Variants in DNAJB14 observed in about 807,000 individuals in gnomAD.
DNAJB14 encodes dnaJ homolog subfamily B member 14.
In DNAJB14, 22 loss-of-function variants were observed where a neutral mutation model predicts 48.4. The ratio of observed to expected loss-of-function variants is 0.45; its 90% confidence interval spans 0.32 to 0.65. DNAJB14 has a LOEUF of 0.65. DNAJB14 is among the 30% of genes least tolerant of loss of function. The pLI is 0.03. For synonymous variants in DNAJB14, 142 were observed against 158.7 expected, an observed-to-expected ratio of 0.89 and a Z score of 0.79; for missense variants, 319 against 458.8, an observed-to-expected ratio of 0.70 and a Z score of 2.78.
intron 2 of DNAJB14, chr4:99,929,494 G>T (rs1726382894): frequency 6.6e-6 from 1 of 151,878 alleles, no homozygotes; most frequent in African/African-American, 2.4e-5. Flanking sequence ...TAAATATATG[G>T]GTATTTGATT....
intron 3 of DNAJB14, among the ~76,000 whole-genome samples, chr4:99,921,444 G>C (rs987648301): frequency 1.3e-5 from 2 of 152,136 alleles, no homozygotes; most frequent in Non-Finnish European, 2.9e-5. Flanking sequence ...CGCAACACAG[G>C]CTGCAGAAAT....
chr4:99,919,499 G>A (rs1395127605), intron 3 of DNAJB14, among the ~76,000 whole-genome samples: 1 of 152,088 alleles, frequency 6.6e-6, no homozygotes, highest in Non-Finnish European at 1.5e-5. Flanking sequence ...GCAGAGAATT[G>A]CTTGAACCCG....
At chr4:99,944,941 T>C (rs1727016095) in intron 1 of DNAJB14, among the ~76,000 whole-genome samples, 1 of 152,222 alleles carries the variant, frequency 6.6e-6, no homozygotes, top group Non-Finnish European at 1.5e-5. Flanking sequence ...GGGAACATTA[T>C]GCTAAGTGAA....
chr4:99,920,368 A>T (rs1388347267), intron 3 of DNAJB14, among the ~76,000 whole-genome samples: 1 of 152,174 alleles, frequency 6.6e-6, no homozygotes, highest in African/African-American at 2.4e-5. Flanking sequence ...GAACTACCAG[A>T]ACTAATACAA....
chr4:99,925,082 C>A, intron 2 of DNAJB14: 1 of 402,858 alleles, frequency 2.5e-6, no homozygotes, highest in South Asian at 4.1e-5. Flanking sequence ...CCAGGATCCT[C>A]CCTCCTTGAA....
intron 1 of DNAJB14, among the ~76,000 whole-genome samples, chr4:99,933,267 TA>T (rs368310801): frequency 2.7e-4 from 41 of 150,560 alleles, no homozygotes; most frequent in African/African-American, 9.5e-4. Flanking sequence ...GGTACCAATC[TA>T]ATCAGTTATT....
chr4:99,939,099 C>T (rs368495659), intron 1 of DNAJB14, among the ~76,000 whole-genome samples: 46 of 152,250 alleles, frequency 3.0e-4, no homozygotes, highest in African/African-American at 1.0e-3. Context: ...CAGTGGCTCA[C>T]GCCTGTAATC....
chr4:99,902,321 C>T (rs948939547), intron 7 of DNAJB14, among the ~76,000 whole-genome samples: 1 of 149,662 alleles, frequency 6.7e-6, no homozygotes, highest in African/African-American at 2.4e-5. Flanking sequence ...GTAGCAATCC[C>T]TTTCCATTCC....
At chr4:99,905,738 T>C in intron 5 of DNAJB14, 32 bp from the exon 6 acceptor site, 1 of 1,586,406 alleles carries the variant, frequency 6.3e-7, no homozygotes, top group Non-Finnish European at 8.6e-7. Flanking sequence ...TAACAAATTG[T>C]AATATAACTG....
Position 99,900,975 on chromosome 4 carries a change from T to A in DNAJB14, c.*53A>T. On this transcript the variant is annotated 3_prime_UTR_variant, in exon 8 of 8. Transcript: ENST00000442697. The stretch of plus-strand genomic sequence containing the variant: ...TCATCCCTCATGATGAAACCAAACT[T>A]ACTTACAGAAAAAATAAAGAGTACG... 1.3e-6 allele frequency: 2 copies of A among 1,560,108 alleles called. No homozygotes were observed. Among genetic ancestry groups the A allele is most frequent in the Non-Finnish European group, 1.7e-6 (2 of 1,156,838 alleles).
chr4:99,914,454 T>G (rs891789794), intron 3 of DNAJB14, among the ~76,000 whole-genome samples: 3 of 151,868 alleles, frequency 2.0e-5, no homozygotes, highest in Admixed American at 6.6e-5. Flanking sequence ...TGAGAACCCT[T>G]GGACGCAGGA....
chr4:99,933,240 A>G (rs1376524084), intron 1 of DNAJB14, among the ~76,000 whole-genome samples: 3 of 151,728 alleles, frequency 2.0e-5, no homozygotes, highest in African/African-American at 4.8e-5. Flanking sequence ...ATGTATATAT[A>G]TACACACACT....
intron 3 of DNAJB14, among the ~76,000 whole-genome samples, chr4:99,921,799 G>C (rs973481475): frequency 2.0e-5 from 3 of 152,154 alleles, no homozygotes; most frequent in South Asian, 4.1e-4. Context: ...AATATTTATT[G>C]TATTTGACAA....
At chr4:99,933,590 C>G (rs1726561688) in intron 1 of DNAJB14, among the ~76,000 whole-genome samples, 1 of 152,010 alleles carries the variant, frequency 6.6e-6, no homozygotes, top group Non-Finnish European at 1.5e-5. Flanking sequence ...GAGCCACACG[C>G]CTGGCCAATT....
intron 1 of DNAJB14, among the ~76,000 whole-genome samples, chr4:99,932,352 T>G (rs1237462788): frequency 1.3e-5 from 2 of 151,784 alleles, no homozygotes; most frequent in Non-Finnish European, 2.9e-5. Flanking sequence ...GGGTGAAGGA[T>G]CTGAATAGAC....
intron 3 of DNAJB14, among the ~76,000 whole-genome samples, chr4:99,913,705 C>A (rs11097680): frequency 0.28 from 41,581 of 147,992 alleles, 6,285 homozygotes; most frequent in African/African-American, 0.4. Flanking sequence ...TGGAAAATGT[C>A]TCTTCCTCTT....
intron 3 of DNAJB14, among the ~76,000 whole-genome samples, chr4:99,918,848 GGAGAAT>G (rs1222271163): frequency 6.6e-6 from 1 of 152,166 alleles, no homozygotes; most frequent in Non-Finnish European, 1.5e-5. Flanking sequence ...ACCCTAGCAG[GGAGAAT>G]GAGCACCCTT....
At chr4:99,937,089 G>T in intron 1 of DNAJB14, among the ~76,000 whole-genome samples, 1 of 152,198 alleles carries the variant, frequency 6.6e-6, no homozygotes, top group East Asian at 1.9e-4. Flanking sequence ...GGCCGAGGCG[G>T]GCGGATCAGG....
intron 3 of DNAJB14, among the ~76,000 whole-genome samples, chr4:99,921,684 G>A (rs567713424): frequency 6.6e-6 from 1 of 152,126 alleles, no homozygotes; most frequent in Admixed American, 6.5e-5. Flanking sequence ...TTTAGCTTTT[G>A]GGGGAATATA....
Sources: allele counts gnomAD v4.1 joint callset (sites outside exome capture counted in the v4.1 genomes callset), GRCh38; gene constraint gnomAD v4.1.1; transcripts MANE v1.5; gene names NCBI Gene and HGNC (gene_info 2026-07-23, HGNC 2026-07-21).